Variants in DGKB observed in about 807,000 individuals in gnomAD.
DGKB encodes diacylglycerol kinase beta.
A neutral mutation model predicts 114.3 loss-of-function variants in DGKB; 67 were observed. That is an observed-to-expected ratio of 0.59 (90% confidence interval 0.48 to 0.72). The LOEUF (loss-of-function observed/expected upper bound fraction) is 0.72. DGKB is among the 30% of genes least tolerant of loss of function. The pLI is 0.00. For synonymous variants in DGKB, 398 were observed against 323.1 expected (o/e 1.23, Z -2.49); for missense variants, 907 against 975.2 (o/e 0.93, Z 0.93).
intron 19 of DGKB, among the ~76,000 whole-genome samples, chr7:14,576,541 TTATAA>T (rs1403432989): frequency 6.6e-6 from 1 of 151,994 alleles, no homozygotes. Context: ...TAATTATATA[TTATAA>T]TATAGGAGTA....
chr7:14,188,646 C>T (rs1350752159), intron 23 of DGKB, among the ~76,000 whole-genome samples: 2 of 90,446 alleles, frequency 2.2e-5, no homozygotes, highest in Non-Finnish European at 4.1e-5. Flanking sequence ...GGCGACAAAG[C>T]GAGACTCCGT....
At chr7:14,893,884 T>C (rs912034847) in intron 1 of DGKB, among the ~76,000 whole-genome samples, 1 of 151,370 alleles carries the variant, frequency 6.6e-6, no homozygotes, top group Non-Finnish European at 1.5e-5. Context: ...TATTATAATT[T>C]ATACATGTGT....
At chr7:14,643,976 C>T (rs1316254912) in intron 13 of DGKB, among the ~76,000 whole-genome samples, 1 of 152,168 alleles carries the variant, frequency 6.6e-6, no homozygotes, top group Non-Finnish European at 1.5e-5. Flanking sequence ...GCCACCAACA[C>T]CCATGCCTAC....
chr7:14,296,175 G>T (rs774117360), intron 23 of DGKB, among the ~76,000 whole-genome samples: 2 of 151,890 alleles, frequency 1.3e-5, no homozygotes, highest in African/African-American at 2.4e-5. Flanking sequence ...GGGACTACAG[G>T]TGTGTGCCAC....
intron 2 of DGKB, among the ~76,000 whole-genome samples, chr7:14,770,941 C>T (rs954749682): frequency 2.0e-5 from 3 of 151,674 alleles, no homozygotes; most frequent in Admixed American, 6.6e-5. Context: ...GGCCTTGAAG[C>T]GTAAGAAGAT....
At chr7:14,279,249 T>C (rs1799511997) in intron 23 of DGKB, among the ~76,000 whole-genome samples, 1 of 152,094 alleles carries the variant, frequency 6.6e-6, no homozygotes. Context: ...GGAGTCTCGC[T>C]GATTGCTAGC....
chr7:14,848,612 A>T (rs1848950041), intron 1 of DGKB, among the ~76,000 whole-genome samples: 1 of 152,242 alleles, frequency 6.6e-6, no homozygotes, highest in Non-Finnish European at 1.5e-5. Context: ...TTCAAAATAG[A>T]ACTTGCCATT....
At chr7:14,583,171 T>A in intron 17 of DGKB, 34 bp from the exon 18 acceptor site, 1 of 1,327,458 alleles carries the variant, frequency 7.5e-7, no homozygotes, top group Non-Finnish European at 1.1e-6. Context: ...ACATGATTAA[T>A]AGTTTAAAAA....
intron 23 of DGKB, among the ~76,000 whole-genome samples, chr7:14,219,538 C>T (rs1473901490): frequency 6.6e-6 from 1 of 151,686 alleles, no homozygotes; most frequent in East Asian, 1.9e-4. Flanking sequence ...TTTGCATGTG[C>T]TGATTAGTAT....
chr7:14,161,042 C>A (rs11983244), intron 25 of DGKB, among the ~76,000 whole-genome samples: 5,894 of 152,202 alleles, frequency 0.039, 180 homozygotes, highest in Non-Finnish European at 0.057. Flanking sequence ...ATTTATGCAG[C>A]CAACACACAT....
chr7:14,682,577 C>A lies in DGKB; in HGVS notation c.1011G>T (p.Leu337=), dbSNP rs1414555861. ...CTGTGATCTGACACCAAACACAATG[C>A]AGTCCTGTCAGGCCCTGGTAACATT... is the stretch of plus-strand genomic sequence containing the variant. ...TVKCYQGLTG[L]HCVWCQITLH... Residue 337 remains leucine (L), a synonymous_variant, in exon 12 of 26, where the codon CTG becomes CTT. Transcript: ENST00000402815. 1 of 1,613,034 alleles carries A rather than the reference C, an allele frequency of 6.2e-7. No individual in the cohort carries two copies. Among genetic ancestry groups the A allele is most frequent in the Non-Finnish European group, 8.5e-7 (1 of 1,179,160 alleles).
intron 2 of DGKB, among the ~76,000 whole-genome samples, chr7:14,784,840 GT>G (rs1446171384): frequency 1.3e-5 from 2 of 149,790 alleles, no homozygotes; most frequent in Non-Finnish European, 3.0e-5. Context: ...TTTTTTTAAT[GT>G]TTTTTTGGCC....
intron 23 of DGKB, among the ~76,000 whole-genome samples, chr7:14,324,571 G>A (rs556029561): frequency 6.6e-6 from 1 of 151,964 alleles, no homozygotes; most frequent in South Asian, 2.1e-4. Context: ...ACCTAGGATT[G>A]TCCATGAAGA....
At position 14,185,509 on chromosome 7, in the gene DGKB, A is replaced by G. The variant is rs374943358; in HGVS notation, c.2123-7358T>C. 2.6e-4 allele frequency among the ~76,000 whole-genome samples: 40 copies of G among 152,224 alleles called. No homozygotes were observed. The East Asian group carries it at 4.1e-3, about 15-fold the overall frequency. On this transcript the variant is annotated intron_variant, in intron 23 of 25. Coordinates refer to ENST00000402815, the MANE Select transcript of DGKB (RefSeq NM_001350709.2). ...CACCATCATTCTTCACAGAATTAGAAAAAAAAATTCTAAAAATCATATAGA... is the reference window on the plus strand; with the variant it reads ...CACCATCATTCTTCACAGAATTAGAGAAAAAAATTCTAAAAATCATATAGA...
At chr7:14,833,021 G>A (rs1299009316) in intron 2 of DGKB, among the ~76,000 whole-genome samples, 2 of 151,952 alleles carry the variant, frequency 1.3e-5, no homozygotes, top group Non-Finnish European at 2.9e-5. Flanking sequence ...CCTGGATTGG[G>A]TGAGCCACAC....
At chr7:14,257,888 G>A (rs1004273995) in intron 23 of DGKB, among the ~76,000 whole-genome samples, 2 of 151,948 alleles carry the variant, frequency 1.3e-5, no homozygotes, top group Admixed American at 6.6e-5. Context: ...CACCATGCTC[G>A]GCTAATTTTT....
Position 14,677,936 on chromosome 7 carries a change from T to C in DGKB, c.1035+4617A>G, listed in dbSNP as rs149869438. Reference sequence around the variant, plus strand: ...ATTTCATTCTAAGAGCCTAACTTTATATCTACAAGATAGCCAACTAGTAAA... The same window carrying C: ...ATTTCATTCTAAGAGCCTAACTTTACATCTACAAGATAGCCAACTAGTAAA... On this transcript the variant is annotated intron_variant, in intron 12 of 25. Coordinates refer to ENST00000402815, the MANE Select transcript of DGKB (RefSeq NM_001350709.2). 3.2e-3 allele frequency among the ~76,000 whole-genome samples: 490 copies of C among 152,212 alleles called. 3 individuals are homozygous for C. The highest frequency in any genetic ancestry group is 0.011 in the African/African-American group (472 of 41,568).
At chr7:14,313,296 C>T (rs146878186) in intron 23 of DGKB, among the ~76,000 whole-genome samples, 1 of 152,018 alleles carries the variant, frequency 6.6e-6, no homozygotes, top group Non-Finnish European at 1.5e-5. Context: ...GGAACAGCTC[C>T]GGTCTACAGC....
At position 14,149,150 on chromosome 7, in the gene DGKB, C is replaced by T; in HGVS notation, c.2393G>A (p.Arg798Lys). The T allele has an allele frequency of 6.2e-7, 1 of 1,613,414 alleles. No homozygotes were observed. The highest frequency in any genetic ancestry group is 8.5e-7 in the Non-Finnish European group (1 of 1,179,482). The change falls in exon 26 of 26, where the codon AGA becomes AAA. Residue 798 changes from arginine to lysine, a missense_variant. Arg to Lys is a conservative substitution (Grantham distance 26). Transcript: ENST00000402815. The stretch of plus-strand genomic sequence containing the variant: ...ACAGGATTATTCCTTGCTTCGGTTT[C>T]TTGTCCTTTTGACGAGGGAGCAGAA... The part of the protein sequence containing the change: ...GLFCSLVKRT[R>K]NRSKE
Sources: allele counts gnomAD v4.1 joint callset (sites outside exome capture counted in the v4.1 genomes callset), GRCh38; gene constraint gnomAD v4.1.1; transcripts MANE v1.5; gene names NCBI Gene and HGNC (gene_info 2026-07-23, HGNC 2026-07-21).